RASGRP3: variants seen among roughly 807,000 people sequenced by gnomAD.
The protein encoded by RASGRP3 is RAS guanyl releasing protein 3.
RASGRP3 carries 54 observed loss-of-function variants against 82.7 expected under a neutral mutation model. The observed-to-expected ratio is 0.65, with a 90% CI of 0.52 to 0.82. The LOEUF is 0.82. RASGRP3 is among the 40% of genes least tolerant of loss of function. The pLI, the probability that RASGRP3 is intolerant of heterozygous loss-of-function variation, is 0.00. For missense variants in RASGRP3, 861 were observed against 828.9 expected (o/e 1.04, Z -0.48); for synonymous variants, 309 against 300.5 (o/e 1.03, Z -0.29).
intron 1 of RASGRP3, among the ~76,000 whole-genome samples, chr2:33,478,274 A>T (rs1446480322): frequency 6.6e-6 from 1 of 152,192 alleles, no homozygotes; most frequent in Non-Finnish European, 1.5e-5. Context: ...AGAGTGGCCA[A>T]TGAGGAAAAA....
In RASGRP3 at chr2:33,550,910, T is replaced by C. The variant is rs534617615; in HGVS notation, c.1542+1159T>C. On this transcript the variant is annotated intron_variant, in intron 14 of 17. Coordinates refer to ENST00000403687, the MANE Select transcript of RASGRP3 (RefSeq NM_001139488.2). ...CCCCAGGTGGTCATAGCAGCTGATG[T>C]GACACAGGGGAAAGCCAGTCTAACT... is the stretch of plus-strand genomic sequence containing the variant. Among the ~76,000 whole-genome samples, 16 of 152,294 alleles carry C rather than the reference T, an allele frequency of 1.1e-4. No individual in the cohort carries two copies. The South Asian group carries it at 2.5e-3, about 24-fold the overall frequency.
At chr2:33,466,679 C>CAA (rs35826724) in intron 2 of RASGRP3, among the ~76,000 whole-genome samples, 29,661 of 137,140 alleles carry the variant, frequency 0.22, 3,377 homozygotes, top group East Asian at 0.43. Flanking sequence ...AACTCTGTAT[C>CAA]AAAAAAAAAA....
At position 33,457,158 on chromosome 2, in the gene RASGRP3, G is replaced by T. The variant is rs189157775; in HGVS notation, c.-261+9215G>T. On this transcript the variant is annotated intron_variant, in intron 2 of 18. Coordinates refer to the RASGRP3 transcript ENST00000402538. ...AGTACTGGGGTTACAGGTGCGAGCC[G>T]CCATGCCGGACCGCTAAGTGCTTTC... 2.3e-3 allele frequency among the ~76,000 whole-genome samples: 344 copies of T among 152,054 alleles called. 2 individuals carry two copies. Among genetic ancestry groups the T allele is most frequent in the African/African-American group, 7.8e-3 (322 of 41,466 alleles).
rs1286100140 is a variant in RASGRP3 at position 33,558,663 on chromosome 2, C to T, written c.1706-9C>T. On this transcript the variant is annotated splice_polypyrimidine_tract_variant and intron_variant, in intron 16 of 17. Transcript: ENST00000403687. ...ATGTCAAATAATCACCACCCTTTTT[C>T]ACTTCCAGCGCAGGATGAGGTGTTT... 1.9e-6 allele frequency: 3 copies of T among 1,572,664 alleles called. No homozygotes were observed. The highest frequency in any genetic ancestry group is 3.8e-5 in the Admixed American group (2 of 53,228).
intron 1 of RASGRP3, among the ~76,000 whole-genome samples, chr2:33,495,287 T>C (rs115832528): frequency 0.011 from 1,675 of 152,250 alleles, 33 homozygotes; most frequent in African/African-American, 0.038. Context: ...GGAAGATGGT[T>C]TGGGGATGAA....
At chr2:33,550,633 G>A (rs1260281030) in intron 14 of RASGRP3, among the ~76,000 whole-genome samples, 3 of 152,200 alleles carry the variant, frequency 2.0e-5, no homozygotes, top group Non-Finnish European at 4.4e-5. Context: ...GCACCCAGAG[G>A]AGTATGACAA....
chr2:33,441,389 G>C (rs682530), intron 1 of RASGRP3, among the ~76,000 whole-genome samples: 1 of 152,136 alleles, frequency 6.6e-6, no homozygotes, highest in Non-Finnish European at 1.5e-5. Flanking sequence ...AAAAGACCAA[G>C]GGTGTCAACC....
chr2:33,464,110 A>AATTATTATT (rs70938402), intron 2 of RASGRP3, among the ~76,000 whole-genome samples: 51 of 144,258 alleles, frequency 3.5e-4, no homozygotes, highest in African/African-American at 1.1e-3. Context: ...TAATAATAAT[A>AATTATTATT]ATTATTATTA....
chr2:33,543,563 G>A lies in RASGRP3; in HGVS notation c.1330G>A (p.Asp444Asn). ...HDHDGYISQE[D>N]FESIAANFPF... ...CCATGATGGGTACATTTCCCAAGAG[G>A]ACTTTGAAAGTATAGCTGCCAATTT... The change falls in exon 13 of 18, where the codon GAC becomes AAC. Residue 444 changes from aspartate to asparagine, a missense_variant. By Grantham distance (23) the Asp-to-Asn change is conservative (BLOSUM62 1). Transcript: ENST00000403687. The A allele has an allele frequency of 1.2e-6, 2 of 1,612,158 alleles. No homozygotes were observed. Among genetic ancestry groups the A allele is most frequent in the Non-Finnish European group, 1.7e-6 (2 of 1,178,464 alleles).
At chr2:33,458,363 G>A (rs1463815408) in intron 2 of RASGRP3, among the ~76,000 whole-genome samples, 2 of 152,160 alleles carry the variant, frequency 1.3e-5, no homozygotes, top group Non-Finnish European at 2.9e-5. Flanking sequence ...CTGTGCAGCA[G>A]GGAAACTTGT....
At chr2:33,542,657 T>TC (rs371980711) in intron 12 of RASGRP3, among the ~76,000 whole-genome samples, 1,668 of 143,432 alleles carry the variant, frequency 0.012, 62 homozygotes, top group East Asian at 0.061. Context: ...ACCTCCTCTT[T>TC]CCCCCCCCCA....
chr2:33,445,032 A>G (rs1665428552), intron 1 of RASGRP3, among the ~76,000 whole-genome samples: 1 of 152,300 alleles, frequency 6.6e-6, no homozygotes, highest in East Asian at 1.9e-4. Context: ...ACACGCACAT[A>G]CTTCCAACAT....
At position 33,478,884 on chromosome 2, in the gene RASGRP3, T is replaced by C. The variant is rs375912710; in HGVS notation, c.-261+2177T>C. Among the ~76,000 whole-genome samples, 16 of 152,188 alleles carry C rather than the reference T, an allele frequency of 1.1e-4. 1 individual carries two copies. The highest frequency in any genetic ancestry group is 5.8e-4 in the East Asian group (3 of 5,192). On this transcript the variant is annotated intron_variant, in intron 1 of 17. Coordinates refer to ENST00000403687, the MANE Select transcript of RASGRP3 (RefSeq NM_001139488.2). ...ATGCGCTAAACAAGTGTATTTATTT[T>C]CATAGTCTCCTCACAATAACTCTAT...
At chr2:33,461,172 T>C (rs1285827856) in intron 2 of RASGRP3, among the ~76,000 whole-genome samples, 1 of 152,266 alleles carries the variant, frequency 6.6e-6, no homozygotes, top group Non-Finnish European at 1.5e-5. Flanking sequence ...CCTAAACTTA[T>C]CTATTACTTT....
At chr2:33,489,605 G>A (rs1416352919) in intron 1 of RASGRP3, among the ~76,000 whole-genome samples, 2 of 151,982 alleles carry the variant, frequency 1.3e-5, no homozygotes, top group Non-Finnish European at 2.9e-5. Context: ...TGGCTCTATT[G>A]CCCAGGCTGG....
intron 2 of RASGRP3, among the ~76,000 whole-genome samples, chr2:33,466,040 C>G (rs936064699): frequency 3.3e-5 from 5 of 151,578 alleles, no homozygotes; most frequent in Non-Finnish European, 7.4e-5. Context: ...CCCAAGAGCT[C>G]TAGTGTAGAT....
chr2:33,496,851 T>C (rs72804245), intron 1 of RASGRP3, among the ~76,000 whole-genome samples: 3,551 of 152,210 alleles, frequency 0.023, 106 homozygotes, highest in African/African-American at 0.07. Context: ...AGTGAGAACT[T>C]ATCTTAAAAA....
intron 4 of RASGRP3, 21 bp downstream of exon 4, chr2:33,516,665 T>C (rs1346071653): frequency 7.0e-7 from 1 of 1,431,136 alleles, no homozygotes; most frequent in South Asian, 1.2e-5. Context: ...AACTACTGTG[T>C]AATTTTTACA....
intron 12 of RASGRP3, among the ~76,000 whole-genome samples, chr2:33,540,558 G>GTGT (rs761698460): frequency 2.5e-4 from 3 of 11,810 alleles, no homozygotes; most frequent in African/African-American, 1.1e-3. Flanking sequence ...TGTGTGTTTT[G>GTGT]TGTGTGTGTG....
Sources: allele counts gnomAD v4.1 joint callset (sites outside exome capture counted in the v4.1 genomes callset), GRCh38; gene constraint gnomAD v4.1.1; transcripts MANE v1.5; gene names NCBI Gene and HGNC (gene_info 2026-07-23, HGNC 2026-07-21).